ME2: variants seen among roughly 807,000 people sequenced by gnomAD.
The protein encoded by ME2 is malic enzyme 2.
Under a neutral mutation model 73.7 loss-of-function variants are expected in ME2, and 60 were observed. The observed-to-expected ratio is 0.81, with a 90% confidence interval of 0.66 to 1.01. The LOEUF (loss-of-function observed/expected upper bound fraction) is 1.01. Among genes scored for constraint, ME2 ranks in the 50% least tolerant of loss-of-function variants. ME2 has a pLI of 0.00. For missense variants in ME2, 594 were observed against 705.5 expected, an observed-to-expected ratio of 0.84 and a Z score of 1.79; for synonymous variants, 199 against 236.9, an observed-to-expected ratio of 0.84 and a Z score of 1.47.
Position 50,925,749 on chromosome 18 carries a change from A to G in ME2, c.1172-7A>G, listed in dbSNP as rs1917535844. The G allele has an allele frequency of 6.2e-7, 1 of 1,613,156 alleles. No individual in the cohort carries two copies. The highest frequency in any genetic ancestry group is 8.5e-7 in the Non-Finnish European group (1 of 1,179,494). ...AAGTTGCTGTTTTTCCCCCTTACTTATTACAGGAGTTGCAGGTGCTGGCCG... is the reference window on the plus strand; with the variant it reads ...AAGTTGCTGTTTTTCCCCCTTACTTGTTACAGGAGTTGCAGGTGCTGGCCG... On this transcript the variant is annotated splice_polypyrimidine_tract_variant and splice_region_variant and intron_variant, in intron 11 of 15. Transcript: ENST00000321341.
intron 12 of ME2, among the ~76,000 whole-genome samples, chr18:50,929,056 A>G (rs1917630084): frequency 6.6e-6 from 1 of 152,136 alleles, no homozygotes; most frequent in African/African-American, 2.4e-5. Context: ...TTTAAATTGT[A>G]ACCAGAGGAA....
At chr18:50,940,582 C>T (rs758092934) in intron 15 of ME2, among the ~76,000 whole-genome samples, 196 bp downstream of exon 15, 1 of 152,258 alleles carries the variant, frequency 6.6e-6, no homozygotes, top group East Asian at 1.9e-4. Context: ...TCTTTGCAAA[C>T]ACATACATGC....
chr18:50,936,714 C>T (rs1417696408), intron 13 of ME2, among the ~76,000 whole-genome samples: 2 of 152,004 alleles, frequency 1.3e-5, no homozygotes, highest in Non-Finnish European at 2.9e-5. Flanking sequence ...TCACTTGAGG[C>T]CAAGAGTTTG....
intron 1 of ME2, among the ~76,000 whole-genome samples, chr18:50,883,519 A>G (rs1371628370): frequency 6.6e-6 from 1 of 152,194 alleles, no homozygotes; most frequent in African/African-American, 2.4e-5. Flanking sequence ...TGGAAGGGGC[A>G]AGGCAGTGAC....
intron 2 of ME2, among the ~76,000 whole-genome samples, chr18:50,901,395 A>G (rs1045547753): frequency 1.3e-5 from 2 of 152,176 alleles, no homozygotes; most frequent in Non-Finnish European, 2.9e-5. Context: ...TATGTCTTAT[A>G]TTAGATTGTA....
intron 2 of ME2, among the ~76,000 whole-genome samples, chr18:50,904,297 G>A (rs1227973181): frequency 7.7e-6 from 1 of 130,504 alleles, no homozygotes; most frequent in East Asian, 2.2e-4. Context: ...TTTTTTTTCT[G>A]GGACAGAGTC....
rs1182875994 is a variant in ME2, at chr18:50,904,445, A to AT, written c.109-3608dup. 5.9e-4 allele frequency among the ~76,000 whole-genome samples: 87 copies of AT among 146,920 alleles called. 1 individual carries two copies. The highest frequency in any genetic ancestry group is 8.7e-4 in the African/African-American group (35 of 40,190). ...AGGCACCCACCACCACACCTGGCTT[A>AT]TTTTTTTTTTGTATTTTTAGTAGAG... On this transcript the variant is annotated intron_variant, in intron 2 of 15. Transcript: ENST00000321341.
intron 2 of ME2, among the ~76,000 whole-genome samples, chr18:50,905,113 A>G (rs1287509627): frequency 2.0e-5 from 3 of 152,010 alleles, no homozygotes; most frequent in Admixed American, 1.3e-4. Flanking sequence ...CAGCCTCTCG[A>G]GTAGCTGGGA....
At chr18:50,944,337 G>T (rs16952711) in intron 15 of ME2, among the ~76,000 whole-genome samples, 20,516 of 152,158 alleles carry the variant, frequency 0.13, 2,031 homozygotes, top group African/African-American at 0.28. Context: ...ATGTCTCTGC[G>T]TTTCCCCAGA....
intron 15 of ME2, chr18:50,942,873 CT>C (rs1917995021): frequency 8.7e-6 from 2 of 229,596 alleles, no homozygotes; most frequent in South Asian, 1.8e-4. Flanking sequence ...GTAATTTTTT[CT>C]TTTTTTAATA....
At chr18:50,907,037 T>C (rs1917034841) in intron 2 of ME2, among the ~76,000 whole-genome samples, 1 of 152,232 alleles carries the variant, frequency 6.6e-6, no homozygotes, top group Admixed American at 6.5e-5. Context: ...TGTTATCCAC[T>C]GCTTTGGGCA....
intron 15 of ME2, among the ~76,000 whole-genome samples, chr18:50,944,786 A>G (rs915916966): frequency 2.0e-5 from 3 of 152,042 alleles, no homozygotes; most frequent in African/African-American, 7.2e-5. Context: ...GCTCTGCCAC[A>G]AGTGAGAGTT....
At chr18:50,916,540 T>C (rs139918539) in intron 5 of ME2, 1 of 218,240 alleles carries the variant, frequency 4.6e-6, no homozygotes, top group Non-Finnish European at 8.9e-6. Flanking sequence ...ACTAATATTA[T>C]TCTAGGTAAA....
chr18:50,935,729 G>T (rs1330145623), intron 13 of ME2: 1 of 139,638 alleles, frequency 7.2e-6, no homozygotes, highest in Non-Finnish European at 1.5e-5. Flanking sequence ...TCCAGCCTGG[G>T]TGACAGAGCA....
At chr18:50,917,167 C>A in intron 5 of ME2, 180 bp from the exon 6 acceptor site, 1 of 514,998 alleles carries the variant, frequency 1.9e-6, no homozygotes, top group South Asian at 3.0e-5. Context: ...TCTCATAATA[C>A]TCAGAAGTCC....
At chr18:50,924,321 A>T in intron 11 of ME2, 109 bp downstream of exon 11, 1 of 698,084 alleles carries the variant, frequency 1.4e-6, no homozygotes, top group Non-Finnish European at 2.4e-6. Context: ...CCTAGCTTTC[A>T]GCATGTACAA....
intron 13 of ME2, 60 bp downstream of exon 13, chr18:50,932,420 G>A: frequency 7.8e-7 from 1 of 1,287,594 alleles, no homozygotes; most frequent in Non-Finnish European, 1.1e-6. Context: ...AATACTTAAT[G>A]GAATTCTTTG....
At chr18:50,890,072 A>G (rs544432106) in intron 1 of ME2, among the ~76,000 whole-genome samples, 2 of 152,298 alleles carry the variant, frequency 1.3e-5, no homozygotes, top group Non-Finnish European at 2.9e-5. Context: ...TCAAAAATCA[A>G]GAATCCTCAC....
In ME2 at chr18:50,921,926, G is replaced by A. The variant is rs1917440062; in HGVS notation, c.1056+739G>A. Among the ~76,000 whole-genome samples the A allele has an allele frequency of 2.0e-5, 3 of 152,300 alleles. No individual in the cohort carries two copies. The South Asian group carries it at 6.2e-4, about 32-fold the overall frequency. On this transcript the variant is annotated intron_variant, in intron 10 of 15. Transcript: ENST00000321341. ...TTACCATTTTCACTAGCTTAAGAAT[G>A]TCATATATCTTCTGTGTAACACATT...
Sources: gnomAD v4.1 joint callset for allele counts (sites outside exome capture counted in the v4.1 genomes callset) on GRCh38, gnomAD v4.1.1 for gene constraint, MANE v1.5 for transcripts, NCBI Gene and HGNC (gene_info 2026-07-23, HGNC 2026-07-21) for gene names.